The following BRDT variants were observed in gnomAD, a reference collection of about 807,000 sequenced individuals.
The protein encoded by BRDT is bromodomain testis-specific protein.
BRDT carries 77 observed loss-of-function variants against 113.9 expected under a neutral mutation model. That is an observed-to-expected ratio of 0.68 (90% CI 0.56 to 0.82). The LOEUF (loss-of-function observed/expected upper bound fraction) is 0.82, where lower values mean the gene tolerates loss of function less well. BRDT is among the 40% of genes least tolerant of loss of function. The pLI, the probability that BRDT is intolerant of heterozygous loss-of-function variation, is 0.00. For missense variants in BRDT, 1,027 were observed against 1,105.4 expected, an observed-to-expected ratio of 0.93 and a Z score of 1.01; for synonymous variants, 358 against 366.5, an observed-to-expected ratio of 0.98 and a Z score of 0.26.
At chr1:92,002,789 A>G (rs1434005485) in intron 16 of BRDT, among the ~76,000 whole-genome samples, 1 of 152,192 alleles carries the variant, frequency 6.6e-6, no homozygotes, top group Non-Finnish European at 1.5e-5. Context: ...AATCCAAGGG[A>G]TTTCCTAATG....
At chr1:91,999,409 A>G (rs1246783628) in intron 15 of BRDT, among the ~76,000 whole-genome samples, 1 of 152,122 alleles carries the variant, frequency 6.6e-6, no homozygotes, top group Non-Finnish European at 1.5e-5. Flanking sequence ...CCCTTGACAT[A>G]CTTCCTAGGC....
intron 3 of BRDT, among the ~76,000 whole-genome samples, chr1:91,967,393 A>T (rs1295928568): frequency 6.9e-6 from 1 of 144,746 alleles, no homozygotes; most frequent in Non-Finnish European, 1.5e-5. Context: ...GCGCAACCGC[A>T]CCTGGCTAAT....
At chr1:91,978,933 G>C (rs910663712) in intron 7 of BRDT, among the ~76,000 whole-genome samples, 1 of 146,662 alleles carries the variant, frequency 6.8e-6, no homozygotes. Context: ...GGGAGGCAGA[G>C]CTTGCAGTGA....
chr1:91,969,824 T>G (rs1486575828), intron 4 of BRDT, among the ~76,000 whole-genome samples: 114 of 8,316 alleles, frequency 0.014, no homozygotes, highest in African/African-American at 0.025. Context: ...TGTGTGTGTG[T>G]TTTTTTTTTT....
intron 17 of BRDT, 36 bp from the exon 18 acceptor site, chr1:92,005,083 T>G (rs986708918): frequency 1.4e-6 from 2 of 1,403,834 alleles, no homozygotes; most frequent in African/African-American, 3.0e-5. Context: ...TTAAGGAACT[T>G]GAAACCTACT....
Position 91,976,186 on chromosome 1 carries a change from AT to A in BRDT, c.446-79del, listed in dbSNP as rs1684122652. 2.9e-6 allele frequency: 4 copies of A among 1,369,384 alleles called. No individual in the cohort carries two copies. The African/African-American group carries it at 4.5e-5, about 15-fold the overall frequency. The allele number at this position is 1,369,384 out of a possible 1,614,324, so 84.8% of individuals were successfully genotyped here. ...TTATATTGCTAAAAAGCTGAACTAA[AT>A]GAAATAGAAAATAAGACAGAAAGTG... On this transcript the variant is annotated intron_variant, in intron 4 of 18. Coordinates refer to ENST00000399546, the MANE Select transcript of BRDT (RefSeq NM_207189.4).
Position 91,964,055 on chromosome 1 carries a change from T to TTTG in BRDT, c.193-558_193-556dup, listed in dbSNP as rs538277209. Among the ~76,000 whole-genome samples, 579 of 151,994 alleles carry TTTG rather than the reference T, an allele frequency of 3.8e-3. 1 individual carries two copies. The highest frequency in any genetic ancestry group is 5.8e-3 in the Non-Finnish European group (397 of 67,950). On this transcript the variant is annotated intron_variant, in intron 2 of 18. Transcript: ENST00000399546. ...CCTGGCTAATTTTCTGTTGTTTTTT[T>TTTG]TTGTTGTTGTTGTTGTGTTTTTTGA...
At chr1:92,002,604 G>A (rs1025953402) in intron 16 of BRDT, among the ~76,000 whole-genome samples, 1 of 152,154 alleles carries the variant, frequency 6.6e-6, no homozygotes, top group Non-Finnish European at 1.5e-5. Context: ...CTGATCTTAG[G>A]TGATCCACCC....
chr1:91,963,369 T>C (rs1456055464), intron 2 of BRDT, among the ~76,000 whole-genome samples: 1 of 152,164 alleles, frequency 6.6e-6, no homozygotes, highest in African/African-American at 2.4e-5. Context: ...ATCATTAAAG[T>C]CTATCCCAAT....
intron 4 of BRDT, among the ~76,000 whole-genome samples, chr1:91,969,835 T>G (rs1170750221): frequency 6.8e-6 from 1 of 146,558 alleles, no homozygotes; most frequent in Non-Finnish European, 1.5e-5. Context: ...TTTTTTTTTT[T>G]TTTTTTTTTT....
At chr1:91,969,132 G>C (rs1168423925) in intron 4 of BRDT, among the ~76,000 whole-genome samples, 1 of 151,776 alleles carries the variant, frequency 6.6e-6, no homozygotes, top group African/African-American at 2.4e-5. Context: ...AGTAGAGTCG[G>C]GGTTTCACCA....
intron 4 of BRDT, among the ~76,000 whole-genome samples, chr1:91,972,336 G>T (rs1277509485): frequency 6.6e-6 from 1 of 152,148 alleles, no homozygotes; most frequent in Non-Finnish European, 1.5e-5. Flanking sequence ...GCTTTAGAGA[G>T]GGAGGCCTTC....
intron 1 of BRDT, among the ~76,000 whole-genome samples, chr1:91,953,558 T>C (rs1681372653): frequency 6.6e-6 from 1 of 152,166 alleles, no homozygotes; most frequent in Non-Finnish European, 1.5e-5. Flanking sequence ...CGGGTGCCTG[T>C]AATCCCAGCT....
At chr1:91,998,211 A>G (rs1686521788) in intron 15 of BRDT, among the ~76,000 whole-genome samples, 1 of 152,160 alleles carries the variant, frequency 6.6e-6, no homozygotes, top group Non-Finnish European at 1.5e-5. Context: ...TTGCAGGGAC[A>G]TGGATGAAGC....
Position 91,978,279 on chromosome 1 carries a change from A to G in BRDT, c.1081A>G (p.Met361Val). 1 of 1,614,114 alleles carries G rather than the reference A, an allele frequency of 6.2e-7. No homozygotes were observed. Among genetic ancestry groups the G allele is most frequent in the Non-Finnish European group, 8.5e-7 (1 of 1,179,992 alleles). Residue 361 changes from methionine (M) to valine (V), a missense_variant, in exon 7 of 19, where the codon ATG (methionine) becomes GTG (valine). Coordinates refer to ENST00000399546, the MANE Select transcript of BRDT (RefSeq NM_207189.4). ...TCCTCCAGATCACGAAGTTGTGACAATGGCAAGAATGCTTCAGGTGAGCTG... is the reference window on the plus strand; with the variant it reads ...TCCTCCAGATCACGAAGTTGTGACAGTGGCAAGAATGCTTCAGGTGAGCTG... ...YNPPDHEVVT[M>V]ARMLQDVFET...
At chr1:91,954,806 TA>T (rs145246425) in intron 1 of BRDT, among the ~76,000 whole-genome samples, 74 of 150,740 alleles carry the variant, frequency 4.9e-4, no homozygotes, top group African/African-American at 1.7e-3. Context: ...CTAAAAAAAT[TA>T]AAAAAATTAG....
chr1:92,007,311 G>A (rs1027100801), intron 18 of BRDT, among the ~76,000 whole-genome samples: 3 of 151,882 alleles, frequency 2.0e-5, no homozygotes, highest in South Asian at 2.1e-4. Context: ...ACGGGGGTTC[G>A]TTGTACAGAT....
chr1:92,007,502 T>C (rs192613382), intron 18 of BRDT, among the ~76,000 whole-genome samples: 10 of 152,318 alleles, frequency 6.6e-5, no homozygotes, highest in African/African-American at 1.9e-4. Flanking sequence ...GATTTTCTGT[T>C]CCTGCATTTG....
At chr1:91,981,857 A>G in intron 12 of BRDT, 102 bp downstream of exon 12, 1 of 1,362,038 alleles carries the variant, frequency 7.3e-7, no homozygotes, top group Non-Finnish European at 9.8e-7. Context: ...CCCAGAATCC[A>G]TGGTTTGTAT....
Sources: gnomAD v4.1 joint callset for allele counts (sites outside exome capture counted in the v4.1 genomes callset) on GRCh38, gnomAD v4.1.1 for gene constraint, MANE v1.5 for transcripts, NCBI Gene and HGNC (gene_info 2026-07-23, HGNC 2026-07-21) for gene names.